DHTKD1: variants seen among roughly 807,000 people sequenced by gnomAD.
The protein encoded by DHTKD1 is dehydrogenase E1 and transketolase domain containing 1, also known as 2-oxoadipate dehydrogenase complex component E1.
In DHTKD1, 78 loss-of-function variants were observed where a neutral mutation model predicts 101.8. That is an observed-to-expected ratio of 0.77 (90% confidence interval 0.64 to 0.93). The LOEUF is 0.93. Ranked by LOEUF, DHTKD1 falls within the 40% of genes least tolerant of loss-of-function variation. DHTKD1 has a pLI of 0.00. For missense variants in DHTKD1, 1,223 were observed against 1,161.7 expected (o/e 1.05, Z -0.77); for synonymous variants, 462 against 450.3 (o/e 1.03, Z -0.33).
chr10:12,118,884 A>G lies in DHTKD1; in HGVS notation c.2538A>G (p.Leu846=). 1.3e-6 allele frequency: 2 copies of G among 1,599,574 alleles called. No homozygotes were observed. The highest frequency in any genetic ancestry group is 1.7e-6 in the Non-Finnish European group (2 of 1,173,986). ...TCTGCCCCTTCCCGTTGGATTCTTT[A>G]CAGCAAGAGATGAGCAAATACAAAC... ...EELCPFPLDS[L]QQEMSKYKHV... Residue 846 remains leucine, a synonymous_variant, in exon 15 of 17, where the codon TTA becomes TTG. Coordinates refer to ENST00000263035, the MANE Select transcript of DHTKD1 (RefSeq NM_018706.7).
rs1181094329 is a variant in DHTKD1, at chr10:12,114,596, G to A, written c.2319+1532G>A. Among the ~76,000 whole-genome samples the A allele has an allele frequency of 6.0e-5, 9 of 151,068 alleles. No individual in the cohort carries two copies. In the East Asian group the frequency reaches 1.2e-3, roughly 20 times the overall value. On this transcript the variant is annotated intron_variant, in intron 13 of 16. Transcript: ENST00000263035. ...CAGGCATGAGCCACCGTGCCCGGCC[G>A]GGAGTATTACAGTTTTTACATTTAT...
chr10:12,100,287 G>GCTTTTTTTTTTT (rs774056019), intron 9 of DHTKD1, 25 bp downstream of exon 9: 24 of 272,258 alleles, frequency 8.8e-5, no homozygotes, highest in African/African-American at 6.9e-4. Flanking sequence ...TTTTTTTTCT[G>GCTTTTTTTTTTT]TTTTTTTTTT....
Position 12,110,587 on chromosome 10 carries a change from A to G in DHTKD1, c.2155-2313A>G, listed in dbSNP as rs1344295833. On this transcript the variant is annotated intron_variant, in intron 12 of 16. Transcript: ENST00000263035. This position sits in a 1 kb window ranked among gnomAD's most constrained non-coding sequence, Gnocchi z 4.9. ...TGTTTTGATACAGCTATACATTGTGAACTGATTGAATCAAGCTAATTACCA... is the reference window on the plus strand; with the variant it reads ...TGTTTTGATACAGCTATACATTGTGGACTGATTGAATCAAGCTAATTACCA... Among the ~76,000 whole-genome samples, 1 of 152,182 alleles carries G rather than the reference A, an allele frequency of 6.6e-6. No individual in the cohort carries two copies. Among genetic ancestry groups the G allele is most frequent in the Non-Finnish European group, 1.5e-5 (1 of 68,024 alleles).
intron 4 of DHTKD1, 24 bp from the exon 5 acceptor site, chr10:12,088,962 T>C (rs200951603): frequency 3.8e-6 from 6 of 1,595,930 alleles, no homozygotes; most frequent in East Asian, 4.5e-5. Flanking sequence ...GCCATTTTTT[T>C]CCTTTTGAAT....
intron 8 of DHTKD1, among the ~76,000 whole-genome samples, chr10:12,098,625 C>A (rs1171123523): frequency 6.6e-6 from 1 of 151,886 alleles, no homozygotes; most frequent in Non-Finnish European, 1.5e-5. Context: ...TGTGCAGTGG[C>A]GTGATCTCGG....
intron 6 of DHTKD1, among the ~76,000 whole-genome samples, chr10:12,092,197 G>A (rs1304328141): frequency 6.6e-6 from 1 of 151,896 alleles, no homozygotes; most frequent in Admixed American, 6.6e-5. Context: ...TTGGCAGGCT[G>A]GTCTTGAACT....
At chr10:12,072,250 T>C (rs1832660801) in intron 1 of DHTKD1, among the ~76,000 whole-genome samples, 1 of 152,184 alleles carries the variant, frequency 6.6e-6, no homozygotes, top group Admixed American at 6.6e-5. Flanking sequence ...GAAGATCACT[T>C]GAGGCCAGAA....
chr10:12,120,157 G>A, intron 15 of DHTKD1, 25 bp from the exon 16 acceptor site: 1 of 1,578,668 alleles, frequency 6.3e-7, no homozygotes, highest in Non-Finnish European at 8.7e-7. Context: ...TACTTGAGGT[G>A]CTGAAAGAAT....
At position 12,110,684 on chromosome 10, in the gene DHTKD1, A is replaced by G. The variant is rs1162037156; in HGVS notation, c.2155-2216A>G. On this transcript the variant is annotated intron_variant, in intron 12 of 16. Coordinates refer to ENST00000263035, the MANE Select transcript of DHTKD1 (RefSeq NM_018706.7). This position sits in a 1 kb window ranked among gnomAD's most constrained non-coding sequence, Gnocchi z 4.9. ...AAAATCTATCCTCTTAGTAATTTTCAGGTATATAATACGTTAACTACAGTT... is the reference window on the plus strand; with the variant it reads ...AAAATCTATCCTCTTAGTAATTTTCGGGTATATAATACGTTAACTACAGTT... Among the ~76,000 whole-genome samples, 1 of 152,134 alleles carries G rather than the reference A, an allele frequency of 6.6e-6. No homozygotes were observed. The highest frequency in any genetic ancestry group is 1.9e-4 in the East Asian group (1 of 5,196).
intron 1 of DHTKD1, among the ~76,000 whole-genome samples, chr10:12,074,172 T>TTTTCG (rs1564386897): frequency 6.6e-6 from 1 of 150,418 alleles, no homozygotes; most frequent in Admixed American, 6.7e-5. Flanking sequence ...AAAGTTTTGC[T>TTTTCG]TTTTGTTTTG....
chr10:12,113,263 T>C (rs948026983), intron 13 of DHTKD1, among the ~76,000 whole-genome samples, 199 bp downstream of exon 13: 5 of 152,156 alleles, frequency 3.3e-5, no homozygotes, highest in Admixed American at 2.0e-4. Flanking sequence ...AATGGTGCAA[T>C]CTCGGCCCGT....
chr10:12,120,535 A>G (rs1833510802), intron 16 of DHTKD1, among the ~76,000 whole-genome samples: 1 of 151,844 alleles, frequency 6.6e-6, no homozygotes, highest in Admixed American at 6.6e-5. Context: ...ACGGGGTTTC[A>G]CCATGTTAGC....
At chr10:12,115,662 C>T (rs1438238598) in intron 13 of DHTKD1, among the ~76,000 whole-genome samples, 1 of 152,198 alleles carries the variant, frequency 6.6e-6, no homozygotes, top group Admixed American at 6.6e-5. Flanking sequence ...GTTTCGCAAA[C>T]AACCTTATAT....
At chr10:12,119,195 C>T (rs1462936133) in intron 15 of DHTKD1, among the ~76,000 whole-genome samples, 1 of 146,838 alleles carries the variant, frequency 6.8e-6, no homozygotes, top group African/African-American at 2.5e-5. Flanking sequence ...AGTCCCAGCT[C>T]CTTGGGAGCC....
At chr10:12,071,439 A>G (rs924748011) in intron 1 of DHTKD1, among the ~76,000 whole-genome samples, 3 of 152,304 alleles carry the variant, frequency 2.0e-5, no homozygotes, top group East Asian at 1.9e-4. Context: ...TTTTCACCTC[A>G]TATTTCACAT....
chr10:12,082,010 C>T (rs1208247553), intron 2 of DHTKD1, among the ~76,000 whole-genome samples: 2 of 151,592 alleles, frequency 1.3e-5, no homozygotes, highest in Admixed American at 6.6e-5. Flanking sequence ...GCCTATAGTT[C>T]CAGGCACTCT....
chr10:12,114,098 G>A (rs914896466), intron 13 of DHTKD1, among the ~76,000 whole-genome samples: 3 of 150,726 alleles, frequency 2.0e-5, no homozygotes, highest in Non-Finnish European at 2.9e-5. Flanking sequence ...GTGCAGTGGC[G>A]TGAAATTTAT....
intron 3 of DHTKD1, among the ~76,000 whole-genome samples, chr10:12,086,443 T>G (rs1201081760): frequency 6.6e-6 from 1 of 151,672 alleles, no homozygotes; most frequent in Non-Finnish European, 1.5e-5. Flanking sequence ...ATGGTCTCGA[T>G]CTCCTGACCT....
intron 2 of DHTKD1, among the ~76,000 whole-genome samples, chr10:12,082,593 G>A (rs12413319): frequency 0.08 from 11,936 of 149,838 alleles, 608 homozygotes; most frequent in Non-Finnish European, 0.12. Flanking sequence ...GGCTTTGCAA[G>A]GTGGTAGTTT....
Sources: allele counts gnomAD v4.1 joint callset (sites outside exome capture counted in the v4.1 genomes callset), GRCh38; gene constraint gnomAD v4.1.1; non-coding constraint Gnocchi (gnomAD v3.1); transcripts MANE v1.5; gene names NCBI Gene and HGNC (gene_info 2026-07-23, HGNC 2026-07-21).